Variants in DTD1 observed in about 807,000 individuals in gnomAD.
DTD1 encodes D-tyrosyl-tRNA deacylase 1 homolog.
A neutral mutation model predicts 25.6 loss-of-function variants in DTD1; 13 were observed. The ratio of observed to expected loss-of-function variants is 0.51; its 90% confidence interval spans 0.33 to 0.81. DTD1 has a LOEUF of 0.81. Ranked by LOEUF, DTD1 falls within the 30% of genes least tolerant of loss-of-function variation. The pLI is 0.02. For missense variants in DTD1, 193 were observed against 266.4 expected, an observed-to-expected ratio of 0.72 and a Z score of 1.92; for synonymous variants, 110 against 103.6, an observed-to-expected ratio of 1.06 and a Z score of -0.37.
At position 18,613,224 on chromosome 20, in the gene DTD1, C is replaced by A. The variant is rs566660416; in HGVS notation, c.371-14903C>A. Reference sequence around the variant, plus strand: ...TCAATAAGACACTTTATCTGTCAGCCCTTGTGCTAGGCTCTGGGTATACAG... The same window carrying A: ...TCAATAAGACACTTTATCTGTCAGCACTTGTGCTAGGCTCTGGGTATACAG... On this transcript the variant is annotated intron_variant, in intron 3 of 5. Coordinates refer to ENST00000377452, the MANE Select transcript of DTD1 (RefSeq NM_080820.6). 2.6e-5 allele frequency among the ~76,000 whole-genome samples: 4 copies of A among 152,260 alleles called. No homozygotes were observed. In the East Asian group the frequency reaches 7.7e-4, roughly 29 times the overall value.
At chr20:18,601,413 C>T (rs185298088) in intron 3 of DTD1, among the ~76,000 whole-genome samples, 105 of 150,664 alleles carry the variant, frequency 7.0e-4, no homozygotes, top group African/African-American at 2.3e-3. Flanking sequence ...GCAGGAGTAT[C>T]GCTTGAACGT....
rs533330374 is a variant in DTD1, at chr20:18,732,555, T to A, written c.478-11545T>A. ...GGAAATGGTTACTTCTGTCCTCTCT[T>A]TGACGTTTTACCATTAGCCCCATTA... On this transcript the variant is annotated intron_variant, in intron 4 of 5. Transcript: ENST00000377452. Among the ~76,000 whole-genome samples the A allele has an allele frequency of 2.6e-5, 4 of 152,326 alleles. No homozygotes were observed. The South Asian group carries it at 8.3e-4, about 32-fold the overall frequency.
At chr20:18,758,578 G>A (rs567545814) in intron 5 of DTD1, among the ~76,000 whole-genome samples, 19 of 152,236 alleles carry the variant, frequency 1.2e-4, no homozygotes, top group Admixed American at 3.9e-4. Flanking sequence ...GTAGTTGAGC[G>A]GTTTTGAGTG....
chr20:18,625,704 C>G (rs2060754731), intron 3 of DTD1, among the ~76,000 whole-genome samples: 1 of 152,226 alleles, frequency 6.6e-6, no homozygotes, highest in Admixed American at 6.5e-5. Flanking sequence ...TCTTGAGGTC[C>G]CAGCCTGTAA....
intron 4 of DTD1, among the ~76,000 whole-genome samples, chr20:18,644,632 A>G (rs1247773389): frequency 6.6e-6 from 1 of 152,242 alleles, no homozygotes; most frequent in East Asian, 1.9e-4. Flanking sequence ...AATAGACCTG[A>G]AAGAGTTGCT....
chr20:18,619,094 C>G (rs1254851421), intron 3 of DTD1, among the ~76,000 whole-genome samples: 1 of 152,072 alleles, frequency 6.6e-6, no homozygotes, highest in East Asian at 1.9e-4. Flanking sequence ...GTCTTCCCAC[C>G]TTAGCCTCCC....
chr20:18,657,834 G>A (rs781651046), intron 4 of DTD1, among the ~76,000 whole-genome samples: 18 of 152,192 alleles, frequency 1.2e-4, no homozygotes, highest in Non-Finnish European at 2.5e-4. Context: ...CCTGCTTGAC[G>A]TGGCTTATGA....
chr20:18,617,681 T>C (rs1179583185), intron 3 of DTD1, among the ~76,000 whole-genome samples: 1 of 152,204 alleles, frequency 6.6e-6, no homozygotes, highest in Admixed American at 6.5e-5. Flanking sequence ...TTTTTCTTGC[T>C]CTCTAGAGGT....
rs528452457 is a variant in DTD1, at chr20:18,753,972, T to C, written c.*20-9388T>C. Among the ~76,000 whole-genome samples, 80 of 152,264 alleles carry C rather than the reference T, an allele frequency of 5.3e-4. 1 individual carries two copies. The South Asian group carries it at 0.013, about 25-fold the overall frequency. ...TGCATTGATAACTTCCCAGCATCTC[T>C]CATGTTTTTTGCATAGAACAGCCTT... On this transcript the variant is annotated intron_variant, in intron 5 of 5. Transcript: ENST00000377452.
At chr20:18,592,166 A>G (rs1256945545) in intron 1 of DTD1, among the ~76,000 whole-genome samples, 1 of 152,234 alleles carries the variant, frequency 6.6e-6, no homozygotes, top group African/African-American at 2.4e-5. Context: ...TACCCTGCAG[A>G]AGCAAGCAAA....
At chr20:18,745,810 T>C (rs563654186) in intron 5 of DTD1, among the ~76,000 whole-genome samples, 11 of 152,190 alleles carry the variant, frequency 7.2e-5, no homozygotes, top group African/African-American at 2.6e-4. Context: ...AATTTGGATT[T>C]TATCCTGGGG....
At position 18,606,931 on chromosome 20, in the gene DTD1, A is replaced by T. The variant is rs888707989; in HGVS notation, c.370+10690A>T. ...ACCCTAAAACTTAAAGTATAATAAA[A>T]AAAAAAAAGCCATTCCTAGTTTACT... On this transcript the variant is annotated intron_variant, in intron 3 of 5. Transcript: ENST00000377452. 3.9e-5 allele frequency among the ~76,000 whole-genome samples: 6 copies of T among 152,130 alleles called. No individual in the cohort carries two copies. In the East Asian group the frequency reaches 1.2e-3, roughly 29 times the overall value.
chr20:18,667,763 C>T (rs1195232675), intron 4 of DTD1, among the ~76,000 whole-genome samples: 1 of 152,158 alleles, frequency 6.6e-6, no homozygotes, highest in Non-Finnish European at 1.5e-5. Context: ...TGCCAGGTTT[C>T]CACAGAAAGC....
chr20:18,719,683 G>A (rs189949405), intron 4 of DTD1, among the ~76,000 whole-genome samples: 1 of 152,368 alleles, frequency 6.6e-6, no homozygotes, highest in East Asian at 1.9e-4. Flanking sequence ...TGGCAGAAGA[G>A]GGACAGCTGC....
intron 3 of DTD1, among the ~76,000 whole-genome samples, chr20:18,621,683 G>A (rs1015836157): frequency 1.2e-4 from 18 of 152,066 alleles, no homozygotes; most frequent in African/African-American, 4.3e-4. Flanking sequence ...ATCTGTGTAT[G>A]CTAAAATGGC....
At chr20:18,718,528 C>A (rs1196371175) in intron 4 of DTD1, among the ~76,000 whole-genome samples, 1 of 152,202 alleles carries the variant, frequency 6.6e-6, no homozygotes, top group African/African-American at 2.4e-5. Context: ...CAACAATCAT[C>A]TGTGTAATAC....
At chr20:18,618,349 T>C (rs2060717619) in intron 3 of DTD1, among the ~76,000 whole-genome samples, 1 of 151,900 alleles carries the variant, frequency 6.6e-6, no homozygotes, top group Non-Finnish European at 1.5e-5. Flanking sequence ...TTTTTGTTTT[T>C]GTTTTTTTGT....
intron 4 of DTD1, among the ~76,000 whole-genome samples, chr20:18,708,284 A>ATT (rs1244588667): frequency 0.017 from 348 of 20,310 alleles, 9 homozygotes; most frequent in Non-Finnish European, 0.034. Flanking sequence ...TATAATATAT[A>ATT]TTATATATAT....
rs772399484 is a variant in DTD1, at chr20:18,744,102, G to A, written c.480G>A (p.Leu160=). The stretch of plus-strand genomic sequence containing the variant: ...CTTTTTTATTTTTATTTAATCAGCT[G>A]TCAAAGCTCGAAAAACAGCAGCAGA... The part of the protein sequence containing the change: ...PGTATSDPKQ[L]SKLEKQQQRK... The change falls in exon 5 of 6, where the codon CTG becomes CTA. Residue 160 remains leucine (L), a splice_region_variant and synonymous_variant. Transcript: ENST00000377452. The A allele has an allele frequency of 6.2e-7, 1 of 1,603,744 alleles. No homozygotes were observed. The highest frequency in any genetic ancestry group is 1.1e-5 in the South Asian group (1 of 89,700).
Sources: allele counts gnomAD v4.1 joint callset (sites outside exome capture counted in the v4.1 genomes callset), GRCh38; gene constraint gnomAD v4.1.1; transcripts MANE v1.5; gene names NCBI Gene and HGNC (gene_info 2026-07-23, HGNC 2026-07-21).